Variants in NPR3 observed in about 807,000 individuals in gnomAD.
NPR3 encodes the protein atrial natriuretic peptide receptor 3.
A neutral mutation model predicts 54.5 loss-of-function variants in NPR3; 34 were observed. The observed-to-expected ratio is 0.62, with a 90% CI of 0.47 to 0.83. The LOEUF (loss-of-function observed/expected upper bound fraction) is 0.83, where lower values mean the gene tolerates loss of function less well. Ranked by LOEUF, NPR3 falls within the 40% of genes least tolerant of loss-of-function variation. The pLI is 0.00. For missense variants in NPR3, 674 were observed against 720.8 expected, an observed-to-expected ratio of 0.94 and a Z score of 0.74; for synonymous variants, 289 against 297.1, an observed-to-expected ratio of 0.97 and a Z score of 0.28.
rs1001179667 is a variant in NPR3 at position 32,787,642 on chromosome 5, T to C, written c.*1297T>C. 6 of 152,340 alleles carry C rather than the reference T, an allele frequency of 3.9e-5. No individual in the cohort carries two copies. Among genetic ancestry groups the C allele is most frequent in the Middle Eastern group, 3.4e-3 (1 of 294 alleles). The allele number at this position is 152,340 out of a possible 1,614,324, so 9.4% of individuals were successfully genotyped here. A position where few individuals can be genotyped will look rare whatever the true frequency, so the allele number is the denominator to read the frequency against. ...TTAACTCCACAGAACTTTGTAGGCATCCATGAATACCTGTAATAGTGGGTT... is the reference window on the plus strand; with the variant it reads ...TTAACTCCACAGAACTTTGTAGGCACCCATGAATACCTGTAATAGTGGGTT... On this transcript the variant is annotated 3_prime_UTR_variant, in exon 8 of 8. Coordinates refer to ENST00000265074, the MANE Select transcript of NPR3 (RefSeq NM_001204375.2).
chr5:32,786,444 T>G lies in NPR3; in HGVS notation c.*99T>G. On this transcript the variant is annotated 3_prime_UTR_variant, in exon 8 of 8. Coordinates refer to ENST00000265074, the MANE Select transcript of NPR3 (RefSeq NM_001204375.2). Reference sequence around the variant, plus strand: ...AACAGAAGGGGCGTTCTTGAAGAATTCATAATTTTAAGCAGTTAGTAATTT... The same window carrying G: ...AACAGAAGGGGCGTTCTTGAAGAATGCATAATTTTAAGCAGTTAGTAATTT... The G allele has an allele frequency of 1.5e-6, 1 of 656,468 alleles. No homozygotes were observed. Among genetic ancestry groups the G allele is most frequent in the Non-Finnish European group, 2.7e-6 (1 of 367,770 alleles). 40.7% of individuals were successfully genotyped at this position (656,468 alleles called of 1,614,324 possible).
At chr5:32,765,874 T>C (rs1024744721) in intron 3 of NPR3, among the ~76,000 whole-genome samples, 5 of 152,200 alleles carry the variant, frequency 3.3e-5, no homozygotes, top group Admixed American at 2.0e-4. Context: ...CTACAAAGGA[T>C]GGTTAAGAAC....
chr5:32,741,210 G>A (rs1029303441), intron 3 of NPR3, among the ~76,000 whole-genome samples: 2 of 151,984 alleles, frequency 1.3e-5, no homozygotes, highest in Non-Finnish European at 2.9e-5. Flanking sequence ...TTGAGCTCAG[G>A]AGTTGAAGAC....
At chr5:32,728,618 G>A (rs1739254982) in intron 2 of NPR3, among the ~76,000 whole-genome samples, 1 of 151,652 alleles carries the variant, frequency 6.6e-6, no homozygotes, top group African/African-American at 2.4e-5. Context: ...CTTGAAATAA[G>A]AAAACAGCTC....
intron 3 of NPR3, among the ~76,000 whole-genome samples, chr5:32,760,394 A>T (rs1263389327): frequency 6.6e-6 from 1 of 152,104 alleles, no homozygotes; most frequent in African/African-American, 2.4e-5. Flanking sequence ...AGCTATTCTG[A>T]TGGATGTAAA....
At chr5:32,776,124 T>G (rs901336979) in intron 4 of NPR3, among the ~76,000 whole-genome samples, 1 of 152,352 alleles carries the variant, frequency 6.6e-6, no homozygotes, top group South Asian at 2.1e-4. Flanking sequence ...CATATGCATT[T>G]GTATATCTTA....
At chr5:32,739,613 G>C (rs1739938203) in intron 3 of NPR3, among the ~76,000 whole-genome samples, 1 of 152,094 alleles carries the variant, frequency 6.6e-6, no homozygotes, top group Non-Finnish European at 1.5e-5. Context: ...TTTCAAGAGT[G>C]GACAAGAGTC....
At chr5:32,750,055 G>A (rs1740496104) in intron 3 of NPR3, among the ~76,000 whole-genome samples, 1 of 152,142 alleles carries the variant, frequency 6.6e-6, no homozygotes, top group Non-Finnish European at 1.5e-5. Context: ...TTTGCTTCTT[G>A]TTGGAGTTCC....
At chr5:32,725,660 G>A (rs1411053374) in intron 2 of NPR3, among the ~76,000 whole-genome samples, 1 of 152,138 alleles carries the variant, frequency 6.6e-6, no homozygotes, top group East Asian at 1.9e-4. Flanking sequence ...TACTGAATAG[G>A]TGAAGTGTGT....
intron 3 of NPR3, among the ~76,000 whole-genome samples, chr5:32,763,022 A>C (rs552108716): frequency 9.2e-5 from 14 of 152,344 alleles, no homozygotes; most frequent in African/African-American, 3.1e-4. Context: ...GGTATAAGGA[A>C]GGGGTCAAGT....
intron 3 of NPR3, among the ~76,000 whole-genome samples, chr5:32,752,213 A>G (rs563237528): frequency 3.4e-5 from 2 of 58,212 alleles, no homozygotes; most frequent in South Asian, 9.8e-4. Flanking sequence ...ACCTCCAAAA[A>G]CAAAAACAAA....
chr5:32,782,441 G>A (rs562330804), intron 5 of NPR3, among the ~76,000 whole-genome samples: 1 of 152,110 alleles, frequency 6.6e-6, no homozygotes, highest in Non-Finnish European at 1.5e-5. Flanking sequence ...TGCCTTATCC[G>A]ATGAACAAAG....
intron 1 of NPR3, among the ~76,000 whole-genome samples, chr5:32,713,730 A>G (rs3792765): frequency 0.36 from 54,280 of 152,208 alleles, 10,087 homozygotes; most frequent in Middle Eastern, 0.5. Flanking sequence ...CTGAGGCCGA[A>G]GGCCCCAGGA....
chr5:32,786,549 A>G lies in NPR3; in HGVS notation c.*204A>G. The G allele has an allele frequency of 1.8e-6, 1 of 555,716 alleles. No homozygotes were observed. The highest frequency in any genetic ancestry group is 3.1e-6 in the Non-Finnish European group (1 of 319,236). The allele number at this position is 555,716 out of a possible 1,614,324, so 34.4% of individuals were successfully genotyped here. On this transcript the variant is annotated 3_prime_UTR_variant, in exon 8 of 8. Transcript: ENST00000265074. ...CAGGCCTTTCATCTCATGACAAACAAATATAATAATGATATCGTGTCACTC... is the reference window on the plus strand; with the variant it reads ...CAGGCCTTTCATCTCATGACAAACAGATATAATAATGATATCGTGTCACTC...
rs1314476919 is a variant in NPR3, at chr5:32,786,448, A to C, written c.*103A>C. 1 of 651,980 alleles carries C rather than the reference A, an allele frequency of 1.5e-6. No individual in the cohort carries two copies. The highest frequency in any genetic ancestry group is 2.7e-6 in the Non-Finnish European group (1 of 365,204). The allele number at this position is 651,980 out of a possible 1,614,324, so 40.4% of individuals were successfully genotyped here. A position where few individuals can be genotyped will look rare whatever the true frequency, so the allele number is the denominator to read the frequency against. ...GAAGGGGCGTTCTTGAAGAATTCAT[A>C]ATTTTAAGCAGTTAGTAATTTCATT... On this transcript the variant is annotated 3_prime_UTR_variant, in exon 8 of 8. Transcript: ENST00000265074.
rs1347145924 is a variant in NPR3, at chr5:32,711,614, T to C, written c.-163T>C. 9 of 1,253,430 alleles carry C rather than the reference T, an allele frequency of 7.2e-6. No individual in the cohort carries two copies. The highest frequency in any genetic ancestry group is 3.1e-5 in the African/African-American group (2 of 64,200). 77.6% of individuals were successfully genotyped at this position (1,253,430 alleles called of 1,614,324 possible). On this transcript the variant is annotated 5_prime_UTR_variant, in exon 1 of 8. Transcript: ENST00000265074. ...TGACATTGCAGAGAAGGACGCTTCC[T>C]CTCTATCTTTTGGCGCATTAGTGAA...
intron 5 of NPR3, 23 bp from the exon 6 acceptor site, chr5:32,782,870 A>G (rs764096909): frequency 1.9e-6 from 3 of 1,582,198 alleles, no homozygotes; most frequent in African/African-American, 1.4e-5. Context: ...TGGTTTGTCT[A>G]TTTGTTTTTT....
At chr5:32,726,411 C>T (rs1739139383) in intron 2 of NPR3, among the ~76,000 whole-genome samples, 1 of 152,138 alleles carries the variant, frequency 6.6e-6, no homozygotes, top group Admixed American at 6.5e-5. Context: ...AGTTTGCCCT[C>T]CTTCCTGCCA....
intron 1 of NPR3, among the ~76,000 whole-genome samples, chr5:32,723,971 A>G (rs1739002493): frequency 6.6e-6 from 1 of 152,112 alleles, no homozygotes. Context: ...ACATATACAT[A>G]CACACACAGA....
Sources: gnomAD v4.1 joint callset for allele counts (sites outside exome capture counted in the v4.1 genomes callset) on GRCh38, gnomAD v4.1.1 for gene constraint, MANE v1.5 for transcripts, NCBI Gene and HGNC (gene_info 2026-07-23, HGNC 2026-07-21) for gene names.